The following GRID2 variants were observed in gnomAD, a reference collection of about 807,000 sequenced individuals.
GRID2 encodes glutamate receptor ionotropic, delta-2.
GRID2 carries 33 observed loss-of-function variants against 114.8 expected under a neutral mutation model. The ratio of observed to expected loss-of-function variants is 0.29; its 90% CI spans 0.22 to 0.38. The LOEUF (loss-of-function observed/expected upper bound fraction) is 0.38, where lower values mean the gene tolerates loss of function less well. Among genes scored for constraint, GRID2 ranks in the 10% least tolerant of loss-of-function variants. The pLI, the probability that GRID2 is intolerant of heterozygous loss-of-function variation, is 1.00. For synonymous variants in GRID2, 505 were observed against 449.9 expected (o/e 1.12, Z -1.55); for missense variants, 1,184 against 1,257.7 (o/e 0.94, Z 0.89).
intron 8 of GRID2, among the ~76,000 whole-genome samples, chr4:93,374,058 C>T (rs563238114): frequency 3.0e-4 from 45 of 152,218 alleles, no homozygotes; most frequent in African/African-American, 1.0e-3. Context: ...CTGTTATATG[C>T]CACTTTCCAC....
At chr4:93,568,655 A>G (rs1428842801) in intron 13 of GRID2, among the ~76,000 whole-genome samples, 1 of 152,224 alleles carries the variant, frequency 6.6e-6, no homozygotes, top group Admixed American at 6.5e-5. Context: ...ATAAGACAAT[A>G]GTCCTTTACA....
At chr4:93,060,385 T>TA (rs1354589895) in intron 2 of GRID2, among the ~76,000 whole-genome samples, 7 of 152,194 alleles carry the variant, frequency 4.6e-5, no homozygotes, top group Non-Finnish European at 8.8e-5. Flanking sequence ...TATATTCTGA[T>TA]AAAGTATTTG....
At chr4:92,958,039 G>T (rs553176250) in intron 2 of GRID2, among the ~76,000 whole-genome samples, 1 of 152,094 alleles carries the variant, frequency 6.6e-6, no homozygotes, top group Non-Finnish European at 1.5e-5. Context: ...TTAGTTTCAG[G>T]AACTTTTGTT....
chr4:92,858,701 G>T (rs557009537), intron 2 of GRID2, among the ~76,000 whole-genome samples: 1 of 152,048 alleles, frequency 6.6e-6, no homozygotes, highest in African/African-American at 2.4e-5. Flanking sequence ...GGGACTACAG[G>T]CACCCACCAC....
At chr4:93,164,672 G>A in intron 4 of GRID2, 1 of 401,174 alleles carries the variant, frequency 2.5e-6, no homozygotes, top group South Asian at 1.7e-5. Context: ...CCTTGTTTGA[G>A]GAATCTAGCT....
intron 1 of GRID2, among the ~76,000 whole-genome samples, chr4:92,422,140 T>C (rs1731938672): frequency 6.6e-6 from 1 of 152,010 alleles, no homozygotes; most frequent in Non-Finnish European, 1.5e-5. Flanking sequence ...ACCTCAGTGA[T>C]GTAATGTGAA....
At chr4:92,485,242 C>T (rs1722804889) in intron 1 of GRID2, among the ~76,000 whole-genome samples, 1 of 128,786 alleles carries the variant, frequency 7.8e-6, no homozygotes, top group South Asian at 2.4e-4. Flanking sequence ...AATTTATTTG[C>T]TTATATGGCT....
Position 93,438,440 on chromosome 4 carries a change from G to T in GRID2, c.1545+15472G>T, listed in dbSNP as rs79047544. On this transcript the variant is annotated intron_variant, in intron 10 of 15. Transcript: ENST00000282020. ...GCATGTTTGCCTTGATAAATAGTTT[G>T]CACTTTATCATTTAGCCAGTACAAA... Among the ~76,000 whole-genome samples the T allele has an allele frequency of 6.3e-3, 960 of 152,138 alleles. 7 individuals are homozygous for T. Among genetic ancestry groups the T allele is most frequent in the African/African-American group, 0.022 (907 of 41,528 alleles).
At chr4:93,634,263 G>A (rs1011747006) in intron 14 of GRID2, among the ~76,000 whole-genome samples, 3 of 151,930 alleles carry the variant, frequency 2.0e-5, no homozygotes, top group Non-Finnish European at 4.4e-5. Context: ...ATCGAATTTG[G>A]ATATGAGAGC....
intron 2 of GRID2, among the ~76,000 whole-genome samples, chr4:92,884,396 G>T (rs912811635): frequency 6.6e-6 from 1 of 152,164 alleles, no homozygotes; most frequent in Middle Eastern, 3.4e-3. Flanking sequence ...CTTATTATCT[G>T]TGGTGTTCAC....
intron 14 of GRID2, among the ~76,000 whole-genome samples, chr4:93,758,437 A>G (rs1273035888): frequency 6.6e-6 from 1 of 152,178 alleles, no homozygotes; most frequent in Non-Finnish European, 1.5e-5. Flanking sequence ...ATCATAAAAT[A>G]ATTCTCCCGC....
intron 11 of GRID2, among the ~76,000 whole-genome samples, chr4:93,457,442 G>A (rs1213891799): frequency 2.0e-5 from 3 of 152,018 alleles, no homozygotes; most frequent in Non-Finnish European, 4.4e-5. Flanking sequence ...GTTATTATAA[G>A]GAGTTTGAAC....
At chr4:93,747,426 C>A (rs939411660) in intron 14 of GRID2, among the ~76,000 whole-genome samples, 7 of 152,114 alleles carry the variant, frequency 4.6e-5, no homozygotes, top group Non-Finnish European at 8.8e-5. Context: ...TGCCAGTGTT[C>A]CCTCTGCACT....
chr4:92,909,256 G>GT (rs1050899973), intron 2 of GRID2, among the ~76,000 whole-genome samples: 1 of 149,148 alleles, frequency 6.7e-6, no homozygotes, highest in Non-Finnish European at 1.5e-5. Flanking sequence ...AATAAAGTTA[G>GT]TTTTTTTCTT....
At chr4:93,031,256 G>C (rs1193982434) in intron 2 of GRID2, among the ~76,000 whole-genome samples, 1 of 151,932 alleles carries the variant, frequency 6.6e-6, no homozygotes, top group East Asian at 1.9e-4. Context: ...ATATTGGCCA[G>C]GCTGTTCTTG....
At chr4:93,001,269 T>G (rs1341250891) in intron 2 of GRID2, among the ~76,000 whole-genome samples, 2 of 151,796 alleles carry the variant, frequency 1.3e-5, no homozygotes, top group South Asian at 2.1e-4. Flanking sequence ...GTATATAAGC[T>G]GTCTTTTTTG....
intron 4 of GRID2, among the ~76,000 whole-genome samples, chr4:93,186,220 T>C (rs977394834): frequency 2.6e-5 from 4 of 152,172 alleles, no homozygotes; most frequent in African/African-American, 9.7e-5. Flanking sequence ...CGCATGCGTC[T>C]TTATAGTAGC....
At chr4:93,239,351 GTCTATCTA>G (rs56978248) in intron 8 of GRID2, among the ~76,000 whole-genome samples, 2 of 145,824 alleles carry the variant, frequency 1.4e-5, no homozygotes, top group Non-Finnish European at 3.0e-5. Context: ...CTATGTATCT[GTCTATCTA>G]TCTATCTATC....
chr4:92,846,671 G>A (rs1042910381), intron 2 of GRID2, among the ~76,000 whole-genome samples: 9 of 151,848 alleles, frequency 5.9e-5, no homozygotes, highest in African/African-American at 1.7e-4. Flanking sequence ...TCCACCTCAC[G>A]TATTCATAAT....
Sources: gnomAD v4.1 joint callset for allele counts (sites outside exome capture counted in the v4.1 genomes callset) on GRCh38, gnomAD v4.1.1 for gene constraint, MANE v1.5 for transcripts, NCBI Gene and HGNC (gene_info 2026-07-23, HGNC 2026-07-21) for gene names.